The following ATXN7 variants were observed in gnomAD, a reference collection of about 807,000 sequenced individuals.
ATXN7 encodes ataxin 7.
In ATXN7, 12 loss-of-function variants were observed where a neutral mutation model predicts 70.5. The ratio of observed to expected loss-of-function variants is 0.17; its 90% CI spans 0.11 to 0.28. ATXN7 has a LOEUF of 0.28. Among genes scored for constraint, ATXN7 ranks in the 10% least tolerant of loss-of-function variants. The probability of loss-of-function intolerance (pLI) is 1.00; values close to 1 mark genes in which losing one functional copy is unlikely to be tolerated. For missense variants in ATXN7, 1,256 were observed against 1,131.7 expected, an observed-to-expected ratio of 1.11 and a Z score of -1.58; for synonymous variants, 498 against 448.7, an observed-to-expected ratio of 1.11 and a Z score of -1.39.
chr3:63,892,467 TCACACACACACACACACACACA>T (rs60819300), intron 1 of ATXN7, among the ~76,000 whole-genome samples: 3 of 131,702 alleles, frequency 2.3e-5, no homozygotes, highest in Non-Finnish European at 4.9e-5. Flanking sequence ...TATCGCTCCT[TCACACACACACACACACACACA>T]CACACCCACA....
chr3:63,937,820 A>C (rs1327621406), intron 4 of ATXN7, among the ~76,000 whole-genome samples: 3 of 152,188 alleles, frequency 2.0e-5, no homozygotes, highest in African/African-American at 7.2e-5. Context: ...ATCTTGGGCA[A>C]GTTACTTAAT....
intron 10 of ATXN7, 164 bp downstream of exon 10, chr3:63,990,538 C>G (rs1317968685): frequency 8.8e-7 from 1 of 1,134,218 alleles, no homozygotes; most frequent in Non-Finnish European, 1.3e-6. Context: ...ACACTCTGTA[C>G]GGGGGACATC....
chr3:63,955,341 A>G (rs1305338963), intron 5 of ATXN7, among the ~76,000 whole-genome samples: 1 of 152,136 alleles, frequency 6.6e-6, no homozygotes, highest in Non-Finnish European at 1.5e-5. Context: ...TGTGTAAGGA[A>G]TGCCCTCTTT....
At chr3:63,991,077 C>G in intron 11 of ATXN7, 1 of 607,184 alleles carries the variant, frequency 1.6e-6, no homozygotes, top group Non-Finnish European at 2.8e-6. Flanking sequence ...GAAGGACTCC[C>G]ACATGTATGG....
At chr3:63,924,814 G>A (rs1186086730) in intron 4 of ATXN7, among the ~76,000 whole-genome samples, 1 of 152,176 alleles carries the variant, frequency 6.6e-6, no homozygotes, top group Non-Finnish European at 1.5e-5. Context: ...CACTTTGAAA[G>A]GGGATTGGAG....
At chr3:63,934,111 T>C (rs983965987) in intron 4 of ATXN7, among the ~76,000 whole-genome samples, 2 of 152,216 alleles carry the variant, frequency 1.3e-5, no homozygotes, top group South Asian at 4.1e-4. Flanking sequence ...TTGCTGACAC[T>C]GTATTCGTAT....
At chr3:63,987,996 A>G (rs1442480961) in intron 8 of ATXN7, 63 bp from the exon 9 acceptor site, 3 of 1,591,026 alleles carry the variant, frequency 1.9e-6, no homozygotes, top group Admixed American at 3.5e-5. Flanking sequence ...GTGTTTTGGG[A>G]TATAAGGCAG....
intron 1 of ATXN7, among the ~76,000 whole-genome samples, chr3:63,892,481 A>C (rs981981030): frequency 6.8e-6 from 1 of 147,880 alleles, no homozygotes; most frequent in East Asian, 2.0e-4. Flanking sequence ...ACACACACAC[A>C]CACACACACA....
intron 1 of ATXN7, among the ~76,000 whole-genome samples, chr3:63,880,106 A>AT (rs1383675823): frequency 6.6e-6 from 1 of 151,960 alleles, no homozygotes; most frequent in Admixed American, 6.6e-5. Flanking sequence ...AAAAGAACAG[A>AT]TTTTTAGCTT....
intron 4 of ATXN7, among the ~76,000 whole-genome samples, chr3:63,934,382 T>A (rs1434678596): frequency 6.6e-6 from 1 of 152,116 alleles, no homozygotes; most frequent in African/African-American, 2.4e-5. Flanking sequence ...GATGTTTTTG[T>A]TTATGCTTAT....
At chr3:63,934,303 T>G (rs1021367095) in intron 4 of ATXN7, among the ~76,000 whole-genome samples, 1 of 152,134 alleles carries the variant, frequency 6.6e-6, no homozygotes, top group African/African-American at 2.4e-5. Flanking sequence ...TCCTGATGAT[T>G]TGCCGCTTCT....
rs2075834908 is a variant in ATXN7, at chr3:64,001,705, T to G, written c.*2238T>G. On this transcript the variant is annotated 3_prime_UTR_variant, in exon 13 of 13. Coordinates refer to ENST00000674280, the MANE Select transcript of ATXN7 (RefSeq NM_001377405.1). ...ACACAGAGCATCGGGATTAGGAAATTAGCCATTTTGGATTCTGTCTGCCAC... is the reference window on the plus strand; with the variant it reads ...ACACAGAGCATCGGGATTAGGAAATGAGCCATTTTGGATTCTGTCTGCCAC... 1 of 152,224 alleles carries G rather than the reference T, an allele frequency of 6.6e-6. No homozygotes were observed. The allele number at this position is 152,224 out of a possible 1,614,324, so 9.4% of individuals were successfully genotyped here.
chr3:63,981,895 TG>T (rs1345995803), intron 6 of ATXN7, among the ~76,000 whole-genome samples: 1 of 152,258 alleles, frequency 6.6e-6, no homozygotes, highest in Non-Finnish European at 1.5e-5. Context: ...GAAATTGCAT[TG>T]CATTGGGTAT....
chr3:63,969,890 G>A (rs956555393), intron 5 of ATXN7, among the ~76,000 whole-genome samples: 4 of 152,196 alleles, frequency 2.6e-5, no homozygotes, highest in African/African-American at 9.7e-5. Flanking sequence ...CTTCTCACCT[G>A]TATACCTGAG....
chr3:63,967,688 A>G (rs2075248793), intron 5 of ATXN7: 1 of 1,041,012 alleles, frequency 9.6e-7, no homozygotes, highest in East Asian at 3.1e-5. Flanking sequence ...AGATTAATTT[A>G]CACCAGCCAG....
chr3:63,938,364 A>G (rs2074700206), intron 4 of ATXN7, among the ~76,000 whole-genome samples: 1 of 152,230 alleles, frequency 6.6e-6, no homozygotes, highest in South Asian at 2.1e-4. Flanking sequence ...CCCAGTGGTA[A>G]TAAACTGCAC....
chr3:63,996,617 T>TAAAAA (rs752406394), intron 12 of ATXN7, 134 bp downstream of exon 12: 2 of 202,722 alleles, frequency 9.9e-6, no homozygotes, highest in African/African-American at 2.9e-5. Flanking sequence ...GGTGTCTTCT[T>TAAAAA]AAAAAAAAAA....
rs2075853068 is a variant in ATXN7 at position 64,003,182 on chromosome 3, T to G, written c.*3715T>G. 6.6e-6 allele frequency: 1 copy of G among 150,786 alleles called. No homozygotes were observed. Among genetic ancestry groups the G allele is most frequent in the Admixed American group, 6.6e-5 (1 of 15,124 alleles). 9.3% of individuals were successfully genotyped at this position (150,786 alleles called of 1,614,324 possible). A position where few individuals can be genotyped will look rare whatever the true frequency, so the allele number is the denominator to read the frequency against. The stretch of plus-strand genomic sequence containing the variant: ...GAGCACTACATACTGTCAGTGTGAA[T>G]GTAGGGCCTTGAAAGCATTTTGCTT... On this transcript the variant is annotated 3_prime_UTR_variant, in exon 13 of 13. Coordinates refer to ENST00000674280, the MANE Select transcript of ATXN7 (RefSeq NM_001377405.1).
chr3:63,911,798 T>C (rs1704022936), intron 2 of ATXN7: 1 of 152,218 alleles, frequency 6.6e-6, no homozygotes. Flanking sequence ...TGGGAGGCAC[T>C]TCCCCGCTAG....
Sources: allele counts gnomAD v4.1 joint callset (sites outside exome capture counted in the v4.1 genomes callset), GRCh38; gene constraint gnomAD v4.1.1; transcripts MANE v1.5; gene names NCBI Gene and HGNC (gene_info 2026-07-23, HGNC 2026-07-21).